The following NAA25 variants were observed in gnomAD, a reference collection of about 807,000 sequenced individuals.
NAA25 encodes N-alpha-acetyltransferase 25, NatB auxiliary subunit.
NAA25 carries 30 observed loss-of-function variants against 132.5 expected under a neutral mutation model. The ratio of observed to expected loss-of-function variants is 0.23; its 90% CI spans 0.17 to 0.31. The LOEUF (loss-of-function observed/expected upper bound fraction) is 0.31. NAA25 is among the 10% of genes least tolerant of loss of function. The pLI is 1.00. For missense variants in NAA25, 771 were observed against 1,150.4 expected (o/e 0.67, Z 4.77); for synonymous variants, 359 against 401.9 (o/e 0.89, Z 1.28).
intron 1 of NAA25, among the ~76,000 whole-genome samples, chr12:112,103,913 C>A (rs775903769): frequency 1.3e-5 from 2 of 152,152 alleles, no homozygotes; most frequent in Non-Finnish European, 2.9e-5. Context: ...AAGAGCTGAT[C>A]TGACAGGAGG....
Position 112,048,358 on chromosome 12 carries a change from T to G in NAA25, c.1814A>C (p.Asn605Thr), listed in dbSNP as rs754055655. The change falls in exon 16 of 24, where the codon AAT becomes ACT. Residue 605 changes from asparagine (N) to threonine (T), a missense_variant. Asn to Thr is a moderately conservative substitution (Grantham distance 65). Around this residue, in one of 3 missense-constraint regions of NAA25, gnomAD observed 417 missense variants for 733.8 expected, o/e 0.57. Coordinates refer to ENST00000261745, the MANE Select transcript of NAA25 (RefSeq NM_024953.4). ...EFIAFRNRLN[N>T]SLHFAQVRTE... is the part of the protein sequence containing the mutation. ...ACGGACTTGTGCAAAATGAAGAGAA[T>G]TATTCAGCCTGTTCCTAAAAGCGAT... 1 of 1,614,098 alleles carries G rather than the reference T, an allele frequency of 6.2e-7. No individual in the cohort carries two copies. Among genetic ancestry groups the G allele is most frequent in the South Asian group, 1.1e-5 (1 of 91,082 alleles).
At position 112,078,738 on chromosome 12, in the gene NAA25, T is replaced by C. The variant is rs1292720922; in HGVS notation, c.481A>G (p.Ile161Val). 8.7e-6 allele frequency: 14 copies of C among 1,611,176 alleles called. No individual in the cohort carries two copies. Among genetic ancestry groups the C allele is most frequent in the South Asian group, 1.1e-5 (1 of 90,658 alleles). ...WSVMSLIMQS[I>V]SAQDENLSKT... ...GAGAGGTTTTCATCCTGTGCCGATA[T>C]AGACTGAAAGAAGAAAAATAATGTT... The change falls in exon 6 of 24, where the codon ATA becomes GTA. Residue 161 changes from isoleucine to valine, a missense_variant. Around this residue, in one of 3 missense-constraint regions of NAA25, gnomAD observed 417 missense variants for 733.8 expected, o/e 0.57. Coordinates refer to ENST00000261745, the MANE Select transcript of NAA25 (RefSeq NM_024953.4).
Position 112,060,372 on chromosome 12 carries a change from A to G in NAA25, c.1358-13T>C, listed in dbSNP as rs906463155. 1.3e-6 allele frequency: 2 copies of G among 1,552,658 alleles called. No individual in the cohort carries two copies. Among genetic ancestry groups the G allele is most frequent in the South Asian group, 2.2e-5 (2 of 89,218 alleles). Reference sequence around the variant, plus strand: ...AAACAGGTTTTCCCTATGGGGGAAAAAAATCATATCTATTTTAACATTTGT... The same window carrying G: ...AAACAGGTTTTCCCTATGGGGGAAAGAAATCATATCTATTTTAACATTTGT... On this transcript the variant is annotated splice_polypyrimidine_tract_variant and intron_variant, in intron 12 of 23. Transcript: ENST00000261745.
At chr12:112,037,259 G>A (rs1011666907) in intron 22 of NAA25, among the ~76,000 whole-genome samples, 57 of 115,052 alleles carry the variant, frequency 5.0e-4, no homozygotes, top group Non-Finnish European at 8.5e-4. Context: ...CTCAGATAGC[G>A]ATATTTTAAA....
chr12:112,084,237 G>A (rs1054558658), intron 4 of NAA25, among the ~76,000 whole-genome samples: 5 of 152,168 alleles, frequency 3.3e-5, no homozygotes, highest in Admixed American at 6.6e-5. Context: ...GGCAGCAGAA[G>A]CTCTTAAGTT....
rs1263220416 is a variant in NAA25 at position 112,028,062 on chromosome 12, A to T, written c.*1469T>A. The T allele has an allele frequency of 1.3e-5, 2 of 152,246 alleles. No homozygotes were observed. Among genetic ancestry groups the T allele is most frequent in the Non-Finnish European group, 2.9e-5 (2 of 68,046 alleles). 9.4% of individuals were successfully genotyped at this position (152,246 alleles called of 1,614,324 possible). On this transcript the variant is annotated 3_prime_UTR_variant, in exon 24 of 24. Transcript: ENST00000261745. ...ATCAAATTATGAATCTAAGAAAGTC[A>T]AAATGAAGGGACAAAATGCAATTAC...
chr12:112,087,840 G>T, intron 3 of NAA25, 39 bp from the exon 4 acceptor site: 1 of 1,331,802 alleles, frequency 7.5e-7, no homozygotes, highest in African/African-American at 1.4e-5. Flanking sequence ...TATACTTCAA[G>T]AACATTCTAA....
chr12:112,068,610 C>T (rs2078753889), intron 11 of NAA25, among the ~76,000 whole-genome samples: 1 of 151,720 alleles, frequency 6.6e-6, no homozygotes, highest in Non-Finnish European at 1.5e-5. Context: ...TTATTTCTTC[C>T]AATTACATGT....
intron 13 of NAA25, among the ~76,000 whole-genome samples, chr12:112,059,008 A>G (rs1019923061): frequency 2.2e-5 from 3 of 137,088 alleles, no homozygotes; most frequent in African/African-American, 8.1e-5. Flanking sequence ...TGGGAGGAGG[A>G]TATTGCAGTG....
At chr12:112,096,799 G>A (rs952613333) in intron 1 of NAA25, among the ~76,000 whole-genome samples, 8 of 152,138 alleles carry the variant, frequency 5.3e-5, no homozygotes, top group African/African-American at 1.9e-4. Context: ...CTCATTCTGA[G>A]TCAGTTCTAA....
At chr12:112,092,564 T>C (rs1593830865) in intron 2 of NAA25, among the ~76,000 whole-genome samples, 1 of 151,120 alleles carries the variant, frequency 6.6e-6, no homozygotes, top group Non-Finnish European at 1.5e-5. Flanking sequence ...GAGGCAGAGG[T>C]TGCAGTACCT....
intron 9 of NAA25, 49 bp from the exon 10 acceptor site, chr12:112,072,113 C>T: frequency 6.6e-7 from 1 of 1,507,124 alleles, no homozygotes; most frequent in Non-Finnish European, 8.9e-7. Context: ...TATTGTCCTT[C>T]CCGAAGCTTA....
intron 15 of NAA25, among the ~76,000 whole-genome samples, chr12:112,052,595 C>G (rs758959524): frequency 6.6e-6 from 1 of 151,214 alleles, no homozygotes; most frequent in Non-Finnish European, 1.5e-5. Context: ...AAACCTATAT[C>G]CCATGTTCAG....
At chr12:112,047,363 C>T (rs751910507) in intron 17 of NAA25, among the ~76,000 whole-genome samples, 1 of 151,770 alleles carries the variant, frequency 6.6e-6, no homozygotes, top group Non-Finnish European at 1.5e-5. Flanking sequence ...TCCCGAATAG[C>T]TGGGATTACA....
intron 3 of NAA25, 200 bp downstream of exon 3, chr12:112,090,526 T>C: frequency 2.1e-6 from 1 of 470,752 alleles, no homozygotes; most frequent in Non-Finnish European, 3.7e-6. Flanking sequence ...GAAGTCACTT[T>C]AATTCTCATT....
intron 1 of NAA25, among the ~76,000 whole-genome samples, chr12:112,105,372 A>C (rs2079348011): frequency 6.6e-6 from 1 of 152,166 alleles, no homozygotes; most frequent in Non-Finnish European, 1.5e-5. Flanking sequence ...ATCTGCTGGG[A>C]ACTACGTAGC....
chr12:112,034,986 G>T (rs2078204882), intron 22 of NAA25: 1 of 151,906 alleles, frequency 6.6e-6, no homozygotes, highest in Non-Finnish European at 1.5e-5. Context: ...AAAGTAATGA[G>T]ATATATCTAT....
chr12:112,059,179 T>C (rs1269588135), intron 13 of NAA25, among the ~76,000 whole-genome samples: 2 of 137,356 alleles, frequency 1.5e-5, no homozygotes, highest in African/African-American at 5.4e-5. Flanking sequence ...GGCTAAGGCA[T>C]GAGAATCGCT....
chr12:112,074,219 T>C (rs1444484753), intron 9 of NAA25, among the ~76,000 whole-genome samples: 1 of 151,600 alleles, frequency 6.6e-6, no homozygotes, highest in African/African-American at 2.4e-5. Flanking sequence ...TGGGCACCTA[T>C]AGTCCCAGCT....
Sources: gnomAD v4.1 joint callset for allele counts (sites outside exome capture counted in the v4.1 genomes callset) on GRCh38, gnomAD v4.1.1 for gene constraint, gnomAD v4.1.1 regional missense constraint, MANE v1.5 for transcripts, NCBI Gene and HGNC (gene_info 2026-07-23, HGNC 2026-07-21) for gene names.